USP40: variants seen among roughly 807,000 people sequenced by gnomAD.
USP40 encodes ubiquitin carboxyl-terminal hydrolase 40.
USP40 carries 143 observed loss-of-function variants against 166.2 expected under a neutral mutation model. The observed-to-expected ratio is 0.86, with a 90% confidence interval of 0.75 to 0.99. The LOEUF is 0.99. USP40 is among the 50% of genes least tolerant of loss of function. USP40 has a pLI of 0.00. For synonymous variants in USP40, 498 were observed against 524.0 expected, an observed-to-expected ratio of 0.95 and a Z score of 0.68; for missense variants, 1,444 against 1,479.7, an observed-to-expected ratio of 0.98 and a Z score of 0.40.
chr2:233,476,657 G>A lies in USP40; in HGVS notation c.*735C>T, dbSNP rs537132333. On this transcript the variant is annotated 3_prime_UTR_variant, in exon 32 of 32. Coordinates refer to ENST00000678225, the MANE Select transcript of USP40 (RefSeq NM_001365479.2). ...TGGACGGCAGCAGCTGCAGTCCTCG[G>A]GATCCAAGGACCTTCTGATCACAGA... 1 of 153,194 alleles carries A rather than the reference G, an allele frequency of 6.5e-6. No homozygotes were observed. Among genetic ancestry groups the A allele is most frequent in the South Asian group, 2.1e-4 (1 of 4,850 alleles). 9.5% of individuals were successfully genotyped at this position (153,194 alleles called of 1,614,324 possible).
chr2:233,557,435 A>G (rs2071198298), intron 4 of USP40, among the ~76,000 whole-genome samples: 4 of 152,274 alleles, frequency 2.6e-5, no homozygotes, highest in Admixed American at 2.0e-4. Flanking sequence ...AATAGAAAAG[A>G]ACTAGAATGT....
At chr2:233,553,017 C>T (rs1354181256) in intron 6 of USP40, among the ~76,000 whole-genome samples, 2 of 151,692 alleles carry the variant, frequency 1.3e-5, no homozygotes, top group East Asian at 1.9e-4. Context: ...GCAGTGGGAA[C>T]GTCACCACTG....
At chr2:233,518,881 T>A (rs1423506900) in intron 18 of USP40, among the ~76,000 whole-genome samples, 5 of 152,168 alleles carry the variant, frequency 3.3e-5, no homozygotes, top group Non-Finnish European at 7.4e-5. Context: ...TTGTCCAGGA[T>A]AAACAAAATG....
At position 233,542,369 on chromosome 2, in the gene USP40, A is replaced by T. The variant is rs1464256562; in HGVS notation, c.967-6T>A. On this transcript the variant is annotated splice_polypyrimidine_tract_variant and splice_region_variant and intron_variant, in intron 8 of 31. Coordinates refer to ENST00000678225, the MANE Select transcript of USP40 (RefSeq NM_001365479.2). ...TCTGGTTTACTTTTTTCCTCCTAGG[A>T]AGGAAAACAGTATGAGTTTCTATCA... is the stretch of plus-strand genomic sequence containing the variant. 1 of 1,514,610 alleles carries T rather than the reference A, an allele frequency of 6.6e-7. No homozygotes were observed. Among genetic ancestry groups the T allele is most frequent in the Non-Finnish European group, 8.9e-7 (1 of 1,118,736 alleles). 93.8% of individuals were successfully genotyped at this position (1,514,610 alleles called of 1,614,324 possible).
chr2:233,478,430 T>C lies in USP40; in HGVS notation c.3600-927A>G, dbSNP rs564694469. ...ACCTCTTTTATCATGAGTGAATGGCTGAGCATATTTTTATATGCTGGCAAG... is the reference window on the plus strand; with the variant it reads ...ACCTCTTTTATCATGAGTGAATGGCCGAGCATATTTTTATATGCTGGCAAG... On this transcript the variant is annotated intron_variant, in intron 31 of 31. Transcript: ENST00000678225. Among the ~76,000 whole-genome samples, 9 of 152,368 alleles carry C rather than the reference T, an allele frequency of 5.9e-5. No individual in the cohort carries two copies. The South Asian group carries it at 1.9e-3, about 32-fold the overall frequency.
Position 233,479,839 on chromosome 2 carries a change from C to T in USP40, c.3599+1364G>A, listed in dbSNP as rs535214533. Among the ~76,000 whole-genome samples the T allele has an allele frequency of 2.6e-5, 4 of 152,148 alleles. No individual in the cohort carries two copies. In the South Asian group the frequency reaches 6.2e-4, roughly 24 times the overall value. On this transcript the variant is annotated intron_variant, in intron 31 of 31. Transcript: ENST00000678225. ...GCCCTTAGGGAGTCAGCAAAGGCCA[C>T]GGGACAGTGCTGTCCGGAAAGCAGC...
chr2:233,502,055 TGAA>T (rs1225709346), intron 21 of USP40, among the ~76,000 whole-genome samples: 1 of 152,182 alleles, frequency 6.6e-6, no homozygotes, highest in Non-Finnish European at 1.5e-5. Context: ...GCAAGTAACA[TGAA>T]GAGTAAAAAC....
chr2:233,489,664 T>C, intron 26 of USP40, 181 bp from the exon 27 acceptor site: 1 of 576,882 alleles, frequency 1.7e-6, no homozygotes, highest in Non-Finnish European at 3.0e-6. Flanking sequence ...ACACTAACCC[T>C]GAGCGGTCTT....
chr2:233,532,093 G>A (rs867905816), intron 11 of USP40, among the ~76,000 whole-genome samples: 1 of 152,142 alleles, frequency 6.6e-6, no homozygotes, highest in South Asian at 2.1e-4. Flanking sequence ...TGGAGTCTTC[G>A]TTTGCAACTC....
At chr2:233,556,715 G>T in intron 5 of USP40, 140 bp downstream of exon 5, 2 of 695,762 alleles carry the variant, frequency 2.9e-6, no homozygotes, top group Non-Finnish European at 4.2e-6. Context: ...TGATTTAGGT[G>T]TAGTTAGAAG....
intron 8 of USP40, among the ~76,000 whole-genome samples, chr2:233,547,645 T>A (rs1043233612): frequency 6.6e-6 from 1 of 152,212 alleles, no homozygotes; most frequent in Non-Finnish European, 1.5e-5. Context: ...TGTAATAGAT[T>A]ATAATTTCTT....
At chr2:233,541,296 G>A (rs1668413658) in intron 9 of USP40, among the ~76,000 whole-genome samples, 2 of 152,152 alleles carry the variant, frequency 1.3e-5, no homozygotes, top group Non-Finnish European at 2.9e-5. Context: ...CTTTAAAGAG[G>A]TGATTAAGGT....
At chr2:233,515,191 G>A (rs1326024513) in intron 18 of USP40, among the ~76,000 whole-genome samples, 4 of 152,148 alleles carry the variant, frequency 2.6e-5, no homozygotes, top group Non-Finnish European at 5.9e-5. Context: ...CCAGTTTGGG[G>A]TTAGGAACAT....
intron 31 of USP40, among the ~76,000 whole-genome samples, chr2:233,478,605 C>T (rs1280980502): frequency 1.3e-5 from 2 of 152,182 alleles, no homozygotes; most frequent in East Asian, 1.9e-4. Context: ...ACAGATATAT[C>T]CACATCTGTA....
chr2:233,489,491 AAGAAAC>A lies in USP40; in HGVS notation c.3013-14_3013-9del. The stretch of plus-strand genomic sequence containing the variant: ...AGGAGGCAAGGTCATGGCCTAGAAA[AAGAAAC>A]AGACATTTCTCCAACGGTTTTAAAA... On this transcript the variant is annotated splice_polypyrimidine_tract_variant and intron_variant, in intron 26 of 31. Coordinates refer to ENST00000678225, the MANE Select transcript of USP40 (RefSeq NM_001365479.2). The A allele has an allele frequency of 6.3e-7, 1 of 1,583,000 alleles. No homozygotes were observed. The highest frequency in any genetic ancestry group is 1.3e-5 in the African/African-American group (1 of 74,224).
In USP40 at chr2:233,491,169, G is replaced by A. The variant is rs758678247; in HGVS notation, c.3010C>T (p.Gln1004Ter). Residue 1004 changes from glutamine (Q) to a stop codon, truncating the protein, a stop_gained and splice_region_variant, in exon 26 of 32, where the codon CAG becomes TAG. Transcript: ENST00000678225. LOFTEE classifies it high-confidence loss of function. The stretch of plus-strand genomic sequence containing the variant: ...TATGGTGCAGGAAGAAGTCTGACCT[G>A]AGACTTCAGCTCCGCCAGCGTGGCA... The part of the protein sequence containing the change: ...EDATLAELKS[Q>*]AMTLPPFLEF... The A allele has an allele frequency of 1.2e-6, 2 of 1,603,448 alleles. No homozygotes were observed. Among genetic ancestry groups the A allele is most frequent in the South Asian group, 2.2e-5 (2 of 88,932 alleles).
In USP40 at chr2:233,524,500, C is replaced by G. The variant is rs764661619; in HGVS notation, c.1873G>C (p.Gly625Arg). 3 of 1,606,352 alleles carry G rather than the reference C, an allele frequency of 1.9e-6. No homozygotes were observed. In the Admixed American group the frequency reaches 5.1e-5, roughly 27 times the overall value. ...TCAGTAATTTTTTTTACCTCCACCC[C>G]ATTCCACACAAAGATGTCTTCCCCA... ...ADGEDIFVWN[G>R]VEVGGVHIQT... Residue 625 changes from glycine to arginine, a missense_variant, in exon 15 of 32, where the codon GGG becomes CGG. Coordinates refer to ENST00000678225, the MANE Select transcript of USP40 (RefSeq NM_001365479.2).
Position 233,493,567 on chromosome 2 carries a change from T to C in USP40, c.2791-16A>G, listed in dbSNP as rs1262607929. ...TCAGGAAACCCTGAAGAATGGAGCA[T>C]GTTTAACTGCTGTGATTACAAAGAT... is the stretch of plus-strand genomic sequence containing the variant. On this transcript the variant is annotated splice_polypyrimidine_tract_variant and intron_variant, in intron 24 of 31. Transcript: ENST00000678225. The surrounding 1 kb of genome is among the most constrained non-coding windows in gnomAD (Gnocchi z 4.7). 5 of 1,603,030 alleles carry C rather than the reference T, an allele frequency of 3.1e-6. No individual in the cohort carries two copies. The highest frequency in any genetic ancestry group is 4.3e-6 in the Non-Finnish European group (5 of 1,174,018).
At position 233,525,538 on chromosome 2, in the gene USP40, T is replaced by C. The variant is rs1170115786; in HGVS notation, c.1750A>G (p.Met584Val). ...FQLLEFWEGD[M>V]VLSVAKLVPA... ...ACAAGCTTTGCAACACTAAGAACCA[T>C]GTCTCCTTCCCAAAATTCTAACAGC... Residue 584 changes from methionine (M) to valine (V), a missense_variant, in exon 14 of 32, where the codon ATG becomes GTG. Transcript: ENST00000678225. The C allele has an allele frequency of 1.9e-6, 3 of 1,613,160 alleles. No individual in the cohort carries two copies. Among genetic ancestry groups the C allele is most frequent in the South Asian group, 1.1e-5 (1 of 90,890 alleles).
Sources: allele counts gnomAD v4.1 joint callset (sites outside exome capture counted in the v4.1 genomes callset), GRCh38; gene constraint gnomAD v4.1.1; non-coding constraint Gnocchi (gnomAD v3.1); transcripts MANE v1.5; gene names NCBI Gene and HGNC (gene_info 2026-07-23, HGNC 2026-07-21).